The following FIBCD1 variants were observed in gnomAD, a reference collection of about 807,000 sequenced individuals.
The protein encoded by FIBCD1 is fibrinogen C domain containing 1, also known as fibrinogen C domain-containing protein 1.
Under a neutral mutation model 45.1 loss-of-function variants are expected in FIBCD1, and 47 were observed. The observed-to-expected ratio is 1.04, with a 90% CI of 0.82 to 1.33. FIBCD1 has a LOEUF of 1.33. Among genes scored for constraint, FIBCD1 ranks in the 40% most tolerant of loss-of-function variants. FIBCD1 has a pLI of 0.00. For missense variants in FIBCD1, 653 were observed against 682.2 expected (o/e 0.96, Z 0.48); for synonymous variants, 313 against 308.1 (o/e 1.02, Z -0.17).
At chr9:130,911,963 C>T in intron 4 of FIBCD1, 75 bp from the exon 5 acceptor site, 3 of 1,334,248 alleles carry the variant, frequency 2.2e-6, no homozygotes, top group Non-Finnish European at 3.1e-6. Context: ...GCCCACCCCG[C>T]CCAGAGACTC....
At chr9:130,921,385 G>A (rs1232217696) in intron 4 of FIBCD1, among the ~76,000 whole-genome samples, 2 of 152,230 alleles carry the variant, frequency 1.3e-5, no homozygotes, top group East Asian at 1.9e-4. Context: ...GACAGATGTC[G>A]AGAGGTTCCT....
At chr9:130,912,010 C>A in intron 4 of FIBCD1, 122 bp from the exon 5 acceptor site, 1 of 871,000 alleles carries the variant, frequency 1.1e-6, no homozygotes, top group South Asian at 1.7e-5. Context: ...CTCGGGAGGG[C>A]AGGGGCCTGG....
chr9:130,930,575 C>T (rs928028990), intron 1 of FIBCD1, among the ~76,000 whole-genome samples: 3 of 152,112 alleles, frequency 2.0e-5, no homozygotes, highest in African/African-American at 7.2e-5. Flanking sequence ...GCCCCTGCCA[C>T]CCACCTCCCC....
Position 130,924,251 on chromosome 9 carries a change from C to T in FIBCD1, c.698G>A (p.Arg233Gln), listed in dbSNP as rs772792623. The change falls in exon 3 of 7, where the codon CGG becomes CAG. Residue 233 changes from arginine to glutamine, a missense_variant. Arg to Gln is a conservative substitution (Grantham distance 43, BLOSUM62 1). Coordinates refer to ENST00000372338, the MANE Select transcript of FIBCD1 (RefSeq NM_032843.5). ...QRAPARGTRP[R>Q]GCATGSRPRD... Reference sequence around the variant, plus strand: ...GCCCCACTCACCAGTGGCACAGCCCCGGGGCCGGGTTCCCCGGGCAGGCGC... The same window carrying T: ...GCCCCACTCACCAGTGGCACAGCCCTGGGGCCGGGTTCCCCGGGCAGGCGC... 3.3e-4 allele frequency: 533 copies of T among 1,596,128 alleles called. No individual in the cohort carries two copies. The highest frequency in any genetic ancestry group is 9.1e-4 in the Admixed American group (53 of 58,176).
At position 130,905,588 on chromosome 9, in the gene FIBCD1, A is replaced by G. The variant is rs565231603; in HGVS notation, c.947-175T>C. On this transcript the variant is annotated intron_variant, in intron 5 of 6. Transcript: ENST00000372338. ...TCTTCCTGCAGGCCTGTGTTGGGCA[A>G]GCCACTGAGGACCGACAGTTTTCAT... 3.6e-4 allele frequency among the ~76,000 whole-genome samples: 55 copies of G among 152,352 alleles called. No individual in the cohort carries two copies. In the East Asian group the frequency reaches 0.01, roughly 28 times the overall value.
At chr9:130,935,463 TA>T (rs1401749579) in intron 1 of FIBCD1, among the ~76,000 whole-genome samples, 1 of 152,316 alleles carries the variant, frequency 6.6e-6, no homozygotes, top group East Asian at 1.9e-4. Context: ...GAGGACGCAT[TA>T]ACAAAGTCCA....
chr9:130,911,402 C>T (rs1005972772), intron 5 of FIBCD1, among the ~76,000 whole-genome samples: 4 of 152,322 alleles, frequency 2.6e-5, no homozygotes, highest in African/African-American at 9.6e-5. Flanking sequence ...CCTGGTGTCC[C>T]TGGCACCCTT....
At chr9:130,933,099 G>A (rs557993722) in intron 1 of FIBCD1, among the ~76,000 whole-genome samples, 8 of 152,368 alleles carry the variant, frequency 5.3e-5, no homozygotes, top group African/African-American at 1.4e-4. Flanking sequence ...GGAGGGGCTC[G>A]AGGAAGCCGC....
rs1327697626 is a variant in FIBCD1, at chr9:130,903,296, G to C, written c.*768C>G. ...GCAGCCCCAGCTGCCCCAGGTAGGAGGACGGCCGGGAGCTGGGTGGGGGAT... is the reference window on the plus strand; with the variant it reads ...GCAGCCCCAGCTGCCCCAGGTAGGACGACGGCCGGGAGCTGGGTGGGGGAT... On this transcript the variant is annotated 3_prime_UTR_variant, in exon 7 of 7. Coordinates refer to ENST00000372338, the MANE Select transcript of FIBCD1 (RefSeq NM_032843.5). 6.5e-6 allele frequency: 1 copy of C among 153,674 alleles called. No homozygotes were observed. The highest frequency in any genetic ancestry group is 2.4e-5 in the African/African-American group (1 of 41,488). 9.5% of individuals were successfully genotyped at this position (153,674 alleles called of 1,614,324 possible).
At chr9:130,923,519 A>C (rs1048831030) in intron 4 of FIBCD1, among the ~76,000 whole-genome samples, 10 of 152,114 alleles carry the variant, frequency 6.6e-5, no homozygotes, top group African/African-American at 2.4e-4. Flanking sequence ...CTCCTGCCTA[A>C]TGTCCGCTCC....
In FIBCD1 at chr9:130,927,241, G is replaced by A. The variant is rs1182171959; in HGVS notation, c.552+2326C>T. 1.5e-4 allele frequency among the ~76,000 whole-genome samples: 21 copies of A among 138,420 alleles called. No homozygotes were observed. In the East Asian group the frequency reaches 3.3e-3, roughly 22 times the overall value. 90.8% of individuals were successfully genotyped at this position (138,420 alleles called of 152,430 possible). On this transcript the variant is annotated intron_variant, in intron 2 of 6. Transcript: ENST00000372338. ...ATGGGTGACGGAGTAAGACTGTCTC[G>A]AAAAAAAAAAAAGAAAAAAGAAAAG...
At chr9:130,909,667 G>A (rs1014019616) in intron 5 of FIBCD1, among the ~76,000 whole-genome samples, 3 of 151,792 alleles carry the variant, frequency 2.0e-5, no homozygotes, top group African/African-American at 7.3e-5. Context: ...GGACCTCAAA[G>A]TTGTGATTCT....
At chr9:130,929,018 G>T (rs1349924338) in intron 2 of FIBCD1, among the ~76,000 whole-genome samples, 1 of 152,148 alleles carries the variant, frequency 6.6e-6, no homozygotes, top group East Asian at 1.9e-4. Context: ...GGGCAGGGGT[G>T]GGGAGGGTGG....
intron 4 of FIBCD1, among the ~76,000 whole-genome samples, chr9:130,917,195 G>A (rs748432344): frequency 6.1e-5 from 9 of 148,618 alleles, no homozygotes; most frequent in South Asian, 2.1e-4. Context: ...GTCCAGCTCC[G>A]GGGGGGCGTC....
chr9:130,924,782 G>A (rs1046346259), intron 2 of FIBCD1, among the ~76,000 whole-genome samples: 18 of 152,188 alleles, frequency 1.2e-4, no homozygotes, highest in African/African-American at 4.1e-4. Flanking sequence ...AATCCAGCTG[G>A]AGCCCAACAC....
intron 2 of FIBCD1, among the ~76,000 whole-genome samples, chr9:130,924,952 AC>A (rs1482352073): frequency 6.6e-6 from 1 of 152,074 alleles, no homozygotes; most frequent in Non-Finnish European, 1.5e-5. Flanking sequence ...TTCCCACAGC[AC>A]CTTCCAGGCT....
At chr9:130,910,924 T>C (rs527485830) in intron 5 of FIBCD1, among the ~76,000 whole-genome samples, 1 of 152,246 alleles carries the variant, frequency 6.6e-6, no homozygotes, top group African/African-American at 2.4e-5. Flanking sequence ...ACTAATCTGA[T>C]GGGGAGGTGG....
upstream of FIBCD1, among the ~76,000 whole-genome samples, chr9:130,939,810 C>A (rs922786704): frequency 1.3e-5 from 2 of 152,180 alleles, no homozygotes; most frequent in South Asian, 2.1e-4. Context: ...CCGCCCGGAG[C>A]GGCCTTCGGA....
At chr9:130,905,640 T>C (rs1040202720) in intron 5 of FIBCD1, among the ~76,000 whole-genome samples, 1 of 152,150 alleles carries the variant, frequency 6.6e-6, no homozygotes, top group African/African-American at 2.4e-5. Flanking sequence ...TCCCTTTAAG[T>C]GGAGCTGTGA....
Sources: gnomAD v4.1 joint callset for allele counts (sites outside exome capture counted in the v4.1 genomes callset) on GRCh38, gnomAD v4.1.1 for gene constraint, MANE v1.5 for transcripts, NCBI Gene and HGNC (gene_info 2026-07-23, HGNC 2026-07-21) for gene names.